Variants in AMZ1 observed in about 807,000 individuals in gnomAD.
The protein encoded by AMZ1 is archaelysin family metallopeptidase 1, also known as archaemetzincin-1.
AMZ1 carries 39 observed loss-of-function variants against 29.9 expected under a neutral mutation model. The ratio of observed to expected loss-of-function variants is 1.30; its 90% CI spans 1.01 to 1.70. The LOEUF is 1.70. Among genes scored for constraint, AMZ1 ranks in the 40% most tolerant of loss-of-function variants. The pLI is 0.00. For synonymous variants in AMZ1, 458 were observed against 304.0 expected, an observed-to-expected ratio of 1.51 and a Z score of -5.27; for missense variants, 1,041 against 680.6, an observed-to-expected ratio of 1.53 and a Z score of -5.89.
chr7:2,688,775 C>G (rs1021693368), intron 1 of AMZ1, among the ~76,000 whole-genome samples: 1 of 152,120 alleles, frequency 6.6e-6, no homozygotes, highest in Non-Finnish European at 1.5e-5. Context: ...GTGTATGAGC[C>G]GGGGAGGGAG....
At chr7:2,739,412 G>A (rs1790383632) in intron 4 of AMZ1, among the ~76,000 whole-genome samples, 1 of 152,138 alleles carries the variant, frequency 6.6e-6, no homozygotes. Context: ...TCTTTTACTT[G>A]GTGCGGCATT....
At position 2,717,814 on chromosome 7, in the gene AMZ1, T is replaced by G. The variant is rs1032542336; in HGVS notation, c.*4936T>G. Among the ~76,000 whole-genome samples, 1 of 152,150 alleles carries G rather than the reference T, an allele frequency of 6.6e-6. No individual in the cohort carries two copies. Among genetic ancestry groups the G allele is most frequent in the Non-Finnish European group, 1.5e-5 (1 of 68,024 alleles). On this transcript the variant is annotated 3_prime_UTR_variant, in exon 7 of 7. Transcript: ENST00000683327. ...AGGTTTATTTTTGAACTCAGCTTCT[T>G]GGGTAGGGAGGCAAATGAAAACAGG...
chr7:2,680,029 G>A (rs553634804), intron 1 of AMZ1, among the ~76,000 whole-genome samples: 195 of 152,318 alleles, frequency 1.3e-3, no homozygotes, highest in Non-Finnish European at 2.1e-3. Context: ...GTAGTGAGAC[G>A]TGGTCTTTGA....
At chr7:2,754,540 C>T (rs1791198425) in intron 4 of AMZ1, among the ~76,000 whole-genome samples, 2 of 150,888 alleles carry the variant, frequency 1.3e-5, no homozygotes, top group East Asian at 1.9e-4. Context: ...CTTAGGGGCT[C>T]GAAACCAACC....
At chr7:2,690,793 C>T (rs1226653285) in intron 1 of AMZ1, among the ~76,000 whole-genome samples, 1 of 152,100 alleles carries the variant, frequency 6.6e-6, no homozygotes, top group African/African-American at 2.4e-5. Flanking sequence ...GCAGTTTGGG[C>T]CCAAGTCACA....
intron 6 of AMZ1, 95 bp downstream of exon 6, chr7:2,709,911 C>A: frequency 3.3e-6 from 5 of 1,514,654 alleles, no homozygotes; most frequent in Non-Finnish European, 4.5e-6. Context: ...GGGGACCGCA[C>A]ACAGGCTTTG....
At chr7:2,750,236 G>T (rs1473457180) in intron 4 of AMZ1, among the ~76,000 whole-genome samples, 2 of 152,186 alleles carry the variant, frequency 1.3e-5, no homozygotes, top group Non-Finnish European at 2.9e-5. Context: ...TCCCAGCTCT[G>T]CTTAGACCCA....
downstream of AMZ1, among the ~76,000 whole-genome samples, chr7:2,719,783 C>T (rs775650847): frequency 6.6e-6 from 1 of 151,528 alleles, no homozygotes; most frequent in Admixed American, 6.6e-5. Flanking sequence ...CAGTTTCAAG[C>T]GATTCTCCTG....
At position 2,709,125 on chromosome 7, in the gene AMZ1, G is replaced by A. The variant is rs763665494; in HGVS notation, c.652G>A (p.Gly218Arg). Residue 218 changes from glycine (G) to arginine (R), a missense_variant, in exon 5 of 7, where the codon GGG (glycine) becomes AGG (arginine). Transcript: ENST00000683327. ...GTTCTCAGGGGAATTCCCGAAGTCG[G>A]GGCCCAGCGCCCCTGATCTGGCCCT... ...ARFSGEFPKSGPSAPDLALVE... is the reference protein window; with the variant it reads ...ARFSGEFPKSRPSAPDLALVE... 3.1e-6 allele frequency: 5 copies of A among 1,599,150 alleles called. No homozygotes were observed. Among genetic ancestry groups the A allele is most frequent in the African/African-American group, 2.7e-5 (2 of 74,258 alleles).
At chr7:2,736,848 A>G (rs1790206789) in intron 4 of AMZ1, among the ~76,000 whole-genome samples, 1 of 152,014 alleles carries the variant, frequency 6.6e-6, no homozygotes. Context: ...CCCTTCACAG[A>G]CCCCTGCTGG....
chr7:2,685,099 G>A (rs933710247), upstream of AMZ1, among the ~76,000 whole-genome samples: 5 of 151,714 alleles, frequency 3.3e-5, no homozygotes, highest in African/African-American at 9.7e-5. Flanking sequence ...TTGATCTTCT[G>A]ACCTCGTGAT....
At chr7:2,760,919 T>C (rs1332673505), upstream of AMZ1, among the ~76,000 whole-genome samples, 1 of 152,230 alleles carries the variant, frequency 6.6e-6, no homozygotes, top group Non-Finnish European at 1.5e-5. Flanking sequence ...TGGGGGGTTC[T>C]GGCTGGCACC....
chr7:2,693,035 C>A (rs1787496087), intron 1 of AMZ1, among the ~76,000 whole-genome samples: 1 of 152,216 alleles, frequency 6.6e-6, no homozygotes, highest in Non-Finnish European at 1.5e-5. Context: ...CTGTGATCAC[C>A]CTCTCAGGAA....
chr7:2,687,713 G>GA (rs1787137574), upstream of AMZ1, among the ~76,000 whole-genome samples: 2 of 152,040 alleles, frequency 1.3e-5, no homozygotes, highest in Admixed American at 1.3e-4. Context: ...CTGGGGCTTC[G>GA]CTGATAAGCC....
upstream of AMZ1, among the ~76,000 whole-genome samples, chr7:2,687,455 G>A (rs1444402317): frequency 6.6e-6 from 1 of 152,222 alleles, no homozygotes; most frequent in Non-Finnish European, 1.5e-5. Flanking sequence ...GAGGCTGCCC[G>A]AGGGAAGCTG....
chr7:2,712,037 CCT>C (rs1306737105), intron 6 of AMZ1, among the ~76,000 whole-genome samples: 2 of 138,384 alleles, frequency 1.4e-5, no homozygotes, highest in Non-Finnish European at 3.1e-5. Context: ...ACAGAGTGAG[CCT>C]CTGTCTTAAA....
At chr7:2,761,219 C>T (rs1030362530), upstream of AMZ1, among the ~76,000 whole-genome samples, 3 of 152,282 alleles carry the variant, frequency 2.0e-5, no homozygotes, top group South Asian at 2.1e-4. Flanking sequence ...ACAGCAGCCC[C>T]GGCTCTGCTA....
intron 4 of AMZ1, among the ~76,000 whole-genome samples, chr7:2,744,344 C>G (rs1228850090): frequency 6.6e-6 from 1 of 152,190 alleles, no homozygotes; most frequent in Non-Finnish European, 1.5e-5. Flanking sequence ...GATCAGGCAG[C>G]AGCATTTGTG....
intron 6 of AMZ1, among the ~76,000 whole-genome samples, chr7:2,710,926 T>C (rs1392064165): frequency 1.3e-5 from 2 of 152,206 alleles, no homozygotes; most frequent in Non-Finnish European, 2.9e-5. Flanking sequence ...CCTGAGGCTG[T>C]GTAACAGGCA....
Sources: allele counts gnomAD v4.1 joint callset (sites outside exome capture counted in the v4.1 genomes callset), GRCh38; gene constraint gnomAD v4.1.1; transcripts MANE v1.5; gene names NCBI Gene and HGNC (gene_info 2026-07-23, HGNC 2026-07-21).